The following ABCA1 variants were observed in gnomAD, a reference collection of about 807,000 sequenced individuals.
The protein encoded by ABCA1 is phospholipid-transporting ATPase ABCA1.
A neutral mutation model predicts 262.5 loss-of-function variants in ABCA1; 133 were observed. The observed-to-expected ratio is 0.51, with a 90% CI of 0.44 to 0.59. The LOEUF (loss-of-function observed/expected upper bound fraction) is 0.59, where lower values mean the gene tolerates loss of function less well. ABCA1 is among the 20% of genes least tolerant of loss of function. The pLI is 0.00. For missense variants in ABCA1, 2,452 were observed against 2,777.5 expected (o/e 0.88, Z 2.63); for synonymous variants, 1,022 against 1,043.5 (o/e 0.98, Z 0.40).
At chr9:104,847,216 G>A (rs1366895044) in intron 7 of ABCA1, among the ~76,000 whole-genome samples, 1 of 152,104 alleles carries the variant, frequency 6.6e-6, no homozygotes, top group African/African-American at 2.4e-5. Flanking sequence ...AGATTGTTAG[G>A]ATTCTTGTCA....
chr9:104,862,699 C>CAGGGCAGGGCAGGGCAGGGCA (rs1836713677), intron 5 of ABCA1, among the ~76,000 whole-genome samples: 1 of 8,460 alleles, frequency 1.2e-4, no homozygotes, highest in African/African-American at 6.9e-4. Flanking sequence ...CGGGCCGGGC[C>CAGGGCAGGGCAGGGCAGGGCA]GGCCCCCACC....
intron 9 of ABCA1, among the ~76,000 whole-genome samples, chr9:104,839,121 G>A (rs1479117381): frequency 3.3e-5 from 5 of 152,214 alleles, no homozygotes; most frequent in African/African-American, 1.2e-4. Flanking sequence ...GGATGCCACT[G>A]CCTAAAACTG....
chr9:104,911,098 C>G (rs1230435851), intron 1 of ABCA1, among the ~76,000 whole-genome samples: 1 of 152,098 alleles, frequency 6.6e-6, no homozygotes, highest in Non-Finnish European at 1.5e-5. Context: ...TTACAGTGTT[C>G]TAGATGTCTT....
At chr9:104,803,396 C>T (rs1588241593) in intron 32 of ABCA1, 80 bp from the exon 33 acceptor site, 1 of 1,361,776 alleles carries the variant, frequency 7.3e-7, no homozygotes, top group Non-Finnish European at 1.1e-6. Flanking sequence ...AGTAAATATC[C>T]ACCTGAGGAT....
In ABCA1 at chr9:104,810,927, T is replaced by C; in HGVS notation, c.4051-3A>G. 6.2e-7 allele frequency: 1 copy of C among 1,614,074 alleles called. No homozygotes were observed. The highest frequency in any genetic ancestry group is 8.5e-7 in the Non-Finnish European group (1 of 1,180,022). On this transcript the variant is annotated splice_region_variant and splice_polypyrimidine_tract_variant and intron_variant, in intron 28 of 49. Coordinates refer to ENST00000374736, the MANE Select transcript of ABCA1 (RefSeq NM_005502.4). The stretch of plus-strand genomic sequence containing the variant: ...ACAAACACAGCTGGCAAGACAATCT[T>C]TACCCAGGCAGTGGAGGGGGCAGGG...
Position 104,819,518 on chromosome 9 carries a change from G to T in ABCA1, c.3241+68C>A, listed in dbSNP as rs566054045. Reference sequence around the variant, plus strand: ...CACAGAAGCCTAGCCATGAGATACAGCCACACTTCTCAAAAGCCCCCCGCT... The same window carrying T: ...CACAGAAGCCTAGCCATGAGATACATCCACACTTCTCAAAAGCCCCCCGCT... On this transcript the variant is annotated intron_variant, in intron 22 of 49. Coordinates refer to ENST00000374736, the MANE Select transcript of ABCA1 (RefSeq NM_005502.4). The T allele has an allele frequency of 1.9e-6, 3 of 1,607,946 alleles. No individual in the cohort carries two copies. In the African/African-American group the frequency reaches 4.0e-5, roughly 21 times the overall value.
chr9:104,830,134 T>C (rs1833153538), intron 14 of ABCA1, among the ~76,000 whole-genome samples: 1 of 152,228 alleles, frequency 6.6e-6, no homozygotes, highest in Non-Finnish European at 1.5e-5. Context: ...CAATGAGAAC[T>C]TGGCAGCTTA....
chr9:104,787,061 G>C, intron 46 of ABCA1, 85 bp from the exon 47 acceptor site: 2 of 1,149,636 alleles, frequency 1.7e-6, no homozygotes, highest in Non-Finnish European at 2.5e-6. Context: ...AAGCATCTTT[G>C]AAACAGCTTA....
intron 45 of ABCA1, 45 bp from the exon 46 acceptor site, chr9:104,788,099 T>C (rs1829084425): frequency 1.9e-6 from 3 of 1,586,008 alleles, no homozygotes; most frequent in Non-Finnish European, 2.6e-6. Context: ...GCTTGGGAAT[T>C]TTATCATGCT....
At chr9:104,914,307 T>C (rs1841703291) in intron 1 of ABCA1, among the ~76,000 whole-genome samples, 1 of 151,180 alleles carries the variant, frequency 6.6e-6, no homozygotes, top group Non-Finnish European at 1.5e-5. Flanking sequence ...TAAAACCCCA[T>C]CTCCACTAAA....
intron 6 of ABCA1, chr9:104,861,434 G>A (rs1186137871): frequency 3.3e-6 from 2 of 603,196 alleles, no homozygotes; most frequent in Non-Finnish European, 2.9e-6. Context: ...CAAATGCCAA[G>A]TGATAAGCCA....
chr9:104,884,397 T>C (rs1373861339), intron 4 of ABCA1, 30 bp downstream of exon 4: 10 of 1,613,932 alleles, frequency 6.2e-6, no homozygotes, highest in Non-Finnish European at 6.8e-6. Context: ...AACTGACAAG[T>C]TTGGAAAGAA....
intron 33 of ABCA1, 97 bp downstream of exon 33, chr9:104,803,187 G>A (rs1372668429): frequency 2.2e-6 from 3 of 1,377,740 alleles, no homozygotes; most frequent in African/African-American, 2.9e-5. Flanking sequence ...CCACAAGTGT[G>A]TGAGTGACAA....
rs146971280 is a variant in ABCA1, at chr9:104,822,385, T to C, written c.2828+111A>G. The C allele has an allele frequency of 4.2e-4, 600 of 1,412,060 alleles. 2 individuals carry two copies. The African/African-American group carries it at 7.9e-3, about 19-fold the overall frequency. The allele number at this position is 1,412,060 out of a possible 1,614,324, so 87.5% of individuals were successfully genotyped here. A position where few individuals can be genotyped will look rare whatever the true frequency, so the allele number is the denominator to read the frequency against. On this transcript the variant is annotated intron_variant, in intron 19 of 49. Coordinates refer to ENST00000374736, the MANE Select transcript of ABCA1 (RefSeq NM_005502.4). ...TGTTCACATTCGGCAACTCCTCATG[T>C]GCTCCTTCCCTTGGCCCAGGGATCA...
chr9:104,885,671 G>C (rs183271812), intron 3 of ABCA1, among the ~76,000 whole-genome samples: 1 of 152,116 alleles, frequency 6.6e-6, no homozygotes, highest in African/African-American at 2.4e-5. Context: ...CCTAGGATTC[G>C]GTCTGGCACA....
intron 1 of ABCA1, among the ~76,000 whole-genome samples, chr9:104,927,364 A>C (rs1826433550): frequency 6.6e-6 from 1 of 151,994 alleles, no homozygotes; most frequent in South Asian, 2.1e-4. Context: ...AGCACCACGG[A>C]CCGTTTGGGA....
rs1377389046 is a variant in ABCA1 at position 104,861,734 on chromosome 9, G to C, written c.488C>G (p.Ser163Cys). ...CTTGTCCACAGTAGACTTTGGGAGA[G>C]AGAGGTTGTGATACAGGAACCCAGA... ...TFSGFLYHNL[S>C]LPKSTVDKML... is the part of the protein sequence containing the mutation. The change falls in exon 6 of 50, where the codon TCT becomes TGT. Residue 163 changes from serine to cysteine, a missense_variant. Transcript: ENST00000374736. The C allele has an allele frequency of 8.1e-6, 13 of 1,613,822 alleles. No individual in the cohort carries two copies. In the Admixed American group the frequency reaches 8.3e-5, roughly 10 times the overall value.
intron 46 of ABCA1, among the ~76,000 whole-genome samples, chr9:104,787,629 A>G (rs1354962153): frequency 1.3e-5 from 2 of 152,228 alleles, no homozygotes; most frequent in Non-Finnish European, 2.9e-5. Context: ...AATGAACACA[A>G]AGATGATTAG....
chr9:104,877,940 T>G (rs751971148), intron 5 of ABCA1, among the ~76,000 whole-genome samples: 10 of 152,256 alleles, frequency 6.6e-5, no homozygotes, highest in Non-Finnish European at 1.3e-4. Context: ...ACTTTAATTA[T>G]ATTTTTCCTG....
Sources: allele counts gnomAD v4.1 joint callset (sites outside exome capture counted in the v4.1 genomes callset), GRCh38; gene constraint gnomAD v4.1.1; transcripts MANE v1.5; gene names NCBI Gene and HGNC (gene_info 2026-07-23, HGNC 2026-07-21).